The following FBXL7 variants were observed in gnomAD, a reference collection of about 807,000 sequenced individuals.
FBXL7 encodes F-box and leucine rich repeat protein 7.
Under a neutral mutation model 38.3 loss-of-function variants are expected in FBXL7, and 12 were observed. That is an observed-to-expected ratio of 0.31 (90% CI 0.20 to 0.51). FBXL7 has a LOEUF of 0.51. FBXL7 is among the 20% of genes least tolerant of loss of function. The pLI is 0.98. For missense variants in FBXL7, 567 were observed against 676.4 expected (o/e 0.84, Z 1.79); for synonymous variants, 297 against 300.9 (o/e 0.99, Z 0.13).
chr5:15,883,823 C>T (rs1472425715), intron 2 of FBXL7, among the ~76,000 whole-genome samples: 3 of 152,132 alleles, frequency 2.0e-5, no homozygotes, highest in Non-Finnish European at 4.4e-5. Flanking sequence ...CTGTAAATAC[C>T]AAACTATTTC....
At chr5:15,722,128 C>T (rs532247435) in intron 2 of FBXL7, among the ~76,000 whole-genome samples, 5 of 152,286 alleles carry the variant, frequency 3.3e-5, no homozygotes, top group African/African-American at 7.2e-5. Flanking sequence ...CCATCACGCC[C>T]GGCCAAGAAT....
chr5:15,937,171 C>T lies in FBXL7; in HGVS notation c.1461C>T (p.Asn487=), dbSNP rs1194308734. ...HCKRCVIEHT[N]PAFF ...AGCGCTGCGTCATCGAGCACACCAA[C>T]CCGGCTTTCTTCTGAAGGGACAGAG... The change falls in exon 4 of 4, where the codon AAC becomes AAT. Residue 487 remains asparagine (N), a synonymous_variant. Coordinates refer to ENST00000504595, the MANE Select transcript of FBXL7 (RefSeq NM_012304.5). 7 of 1,592,678 alleles carry T rather than the reference C, an allele frequency of 4.4e-6. No homozygotes were observed. The highest frequency in any genetic ancestry group is 1.7e-5 in the Admixed American group (1 of 58,608).
chr5:15,512,039 C>A (rs1483262512), intron 1 of FBXL7, among the ~76,000 whole-genome samples: 1 of 152,174 alleles, frequency 6.6e-6, no homozygotes, highest in African/African-American at 2.4e-5. Context: ...GACATTAAGA[C>A]AAAGTTATTT....
Position 15,672,739 on chromosome 5 carries a change from A to C in FBXL7, c.127+56667A>C, listed in dbSNP as rs376603109. On this transcript the variant is annotated intron_variant, in intron 2 of 3. Transcript: ENST00000504595. ...CTGGCTAATTTTTTATTTTTAGTAG[A>C]GATGGGGTTTCACCATGCTGGCCAG... 5.1e-4 allele frequency among the ~76,000 whole-genome samples: 78 copies of C among 151,998 alleles called. No individual in the cohort carries two copies. The East Asian group carries it at 7.0e-3, about 14-fold the overall frequency.
intron 1 of FBXL7, among the ~76,000 whole-genome samples, chr5:15,533,811 G>GT (rs995282315): frequency 6.6e-6 from 1 of 152,076 alleles, no homozygotes; most frequent in Non-Finnish European, 1.5e-5. Flanking sequence ...GAGGATTAGG[G>GT]TTTTTTCCTA....
At chr5:15,786,296 A>G (rs372328380) in intron 2 of FBXL7, among the ~76,000 whole-genome samples, 1 of 149,756 alleles carries the variant, frequency 6.7e-6, no homozygotes, top group South Asian at 2.2e-4. Flanking sequence ...TCATTCCTCC[A>G]CAGAACAAAA....
chr5:15,562,112 G>A (rs1221349626), intron 1 of FBXL7, among the ~76,000 whole-genome samples: 8 of 151,942 alleles, frequency 5.3e-5, no homozygotes, highest in South Asian at 2.1e-4. Flanking sequence ...TACACCATAC[G>A]TCAGTTCAGA....
chr5:15,760,976 T>C (rs932380992), intron 2 of FBXL7, among the ~76,000 whole-genome samples: 6 of 151,626 alleles, frequency 4.0e-5, no homozygotes, highest in Admixed American at 6.6e-5. Flanking sequence ...AGAGTGATCA[T>C]TGGAAGTTAG....
Position 15,893,773 on chromosome 5 carries a change from A to T in FBXL7, c.128-34117A>T, listed in dbSNP as rs1436993654. 2.0e-5 allele frequency among the ~76,000 whole-genome samples: 3 copies of T among 152,352 alleles called. No individual in the cohort carries two copies. The East Asian group carries it at 5.8e-4, about 29-fold the overall frequency. On this transcript the variant is annotated intron_variant, in intron 2 of 3. Coordinates refer to ENST00000504595, the MANE Select transcript of FBXL7 (RefSeq NM_012304.5). ...ATTTCATATTAGAACTTATATTTGA[A>T]GACATAATGCTATAGGATGAATTAA...
At chr5:15,808,291 T>G (rs1328722591) in intron 2 of FBXL7, among the ~76,000 whole-genome samples, 2 of 152,140 alleles carry the variant, frequency 1.3e-5, no homozygotes, top group Non-Finnish European at 2.9e-5. Flanking sequence ...GTCAAATTTT[T>G]TTTTACATTA....
intron 2 of FBXL7, among the ~76,000 whole-genome samples, chr5:15,915,310 C>G (rs1579597532): frequency 6.6e-6 from 1 of 152,286 alleles, no homozygotes; most frequent in African/African-American, 2.4e-5. Flanking sequence ...TCTCACAGTT[C>G]TAGAGGTTGG....
At chr5:15,674,638 A>T (rs1742592370) in intron 2 of FBXL7, among the ~76,000 whole-genome samples, 1 of 152,180 alleles carries the variant, frequency 6.6e-6, no homozygotes, top group Admixed American at 6.5e-5. Flanking sequence ...GGTTTTAACT[A>T]AAAAAACACG....
intron 2 of FBXL7, among the ~76,000 whole-genome samples, chr5:15,757,272 T>G (rs987070543): frequency 6.6e-6 from 1 of 152,160 alleles, no homozygotes; most frequent in African/African-American, 2.4e-5. Flanking sequence ...TAGGAATAAC[T>G]CAAAACCAGA....
At chr5:15,751,441 A>G (rs960171236) in intron 2 of FBXL7, among the ~76,000 whole-genome samples, 1 of 152,194 alleles carries the variant, frequency 6.6e-6, no homozygotes, top group Admixed American at 6.5e-5. Flanking sequence ...AGGCTGCTCA[A>G]GGGAGTCATT....
chr5:15,721,865 C>T (rs558450577), intron 2 of FBXL7, among the ~76,000 whole-genome samples: 19 of 152,004 alleles, frequency 1.2e-4, no homozygotes, highest in African/African-American at 2.2e-4. Context: ...GATGGAGTCT[C>T]GCTCTGTCGC....
chr5:15,684,781 G>A (rs1742964482), intron 2 of FBXL7, among the ~76,000 whole-genome samples: 1 of 152,170 alleles, frequency 6.6e-6, no homozygotes, highest in Admixed American at 6.5e-5. Flanking sequence ...GTCAACAAAT[G>A]CAAGTGGTCT....
At chr5:15,642,432 G>A (rs980971068) in intron 2 of FBXL7, among the ~76,000 whole-genome samples, 1 of 152,164 alleles carries the variant, frequency 6.6e-6, no homozygotes, top group African/African-American at 2.4e-5. Flanking sequence ...GAGTAAGAAC[G>A]TTATGCCTTA....
intron 2 of FBXL7, among the ~76,000 whole-genome samples, chr5:15,726,506 A>G (rs935545144): frequency 2.0e-5 from 3 of 152,034 alleles, no homozygotes; most frequent in African/African-American, 7.2e-5. Context: ...CAGCCTGGCC[A>G]ATATGGTGAA....
chr5:15,710,346 A>G (rs918846175), intron 2 of FBXL7, among the ~76,000 whole-genome samples: 1 of 152,108 alleles, frequency 6.6e-6, no homozygotes, highest in African/African-American at 2.4e-5. Flanking sequence ...TACACCAGAA[A>G]CATGACCACC....
Sources: gnomAD v4.1 joint callset for allele counts (sites outside exome capture counted in the v4.1 genomes callset) on GRCh38, gnomAD v4.1.1 for gene constraint, MANE v1.5 for transcripts, NCBI Gene and HGNC (gene_info 2026-07-23, HGNC 2026-07-21) for gene names.